The following RGS7 variants were observed in gnomAD, a reference collection of about 807,000 sequenced individuals.
RGS7 encodes the protein regulator of G-protein signaling 7.
RGS7 carries 27 observed loss-of-function variants against 81.1 expected under a neutral mutation model. The observed-to-expected ratio is 0.33, with a 90% CI of 0.25 to 0.46. RGS7 has a LOEUF of 0.46. Ranked by LOEUF, RGS7 falls within the 20% of genes least tolerant of loss-of-function variation. The pLI is 1.00. For synonymous variants in RGS7, 208 were observed against 207.7 expected, an observed-to-expected ratio of 1.00 and a Z score of -0.01; for missense variants, 396 against 607.4, an observed-to-expected ratio of 0.65 and a Z score of 3.66.
intron 6 of RGS7, among the ~76,000 whole-genome samples, chr1:240,898,081 T>C (rs897483516): frequency 6.6e-6 from 1 of 152,208 alleles, no homozygotes; most frequent in African/African-American, 2.4e-5. Flanking sequence ...GAGGTGTTTA[T>C]AGTATTCTCT....
Position 241,019,967 on chromosome 1 carries a change from A to C in RGS7, c.176-36838T>G, listed in dbSNP as rs78591958. Among the ~76,000 whole-genome samples the C allele has an allele frequency of 6.6e-5, 10 of 152,326 alleles. 1 individual carries two copies. The highest frequency in any genetic ancestry group is 6.2e-4 in the South Asian group (3 of 4,828). The stretch of plus-strand genomic sequence containing the variant: ...AACAAAGATTTCCAAGTGATGACTT[A>C]AAAAGAGTGATGACTTCAAAAGAGT... On this transcript the variant is annotated intron_variant, in intron 3 of 18. Coordinates refer to ENST00000440928, the MANE Select transcript of RGS7 (RefSeq NM_001364886.1).
intron 12 of RGS7, among the ~76,000 whole-genome samples, 160 bp from the exon 13 acceptor site, chr1:240,813,888 A>G (rs556909340): frequency 1.5e-4 from 23 of 152,346 alleles, no homozygotes; most frequent in African/African-American, 5.3e-4. Context: ...ACTTTCATGC[A>G]ACAACTTATT....
intron 3 of RGS7, among the ~76,000 whole-genome samples, chr1:241,000,122 C>A (rs1021262581): frequency 6.6e-6 from 1 of 152,066 alleles, no homozygotes; most frequent in African/African-American, 2.4e-5. Flanking sequence ...CTTCTGACAC[C>A]ACTCCAGGGT....
intron 2 of RGS7, among the ~76,000 whole-genome samples, chr1:241,292,212 T>C (rs1489672573): frequency 6.6e-6 from 1 of 152,240 alleles, no homozygotes; most frequent in East Asian, 1.9e-4. Flanking sequence ...ACTTATTACA[T>C]ACTTCTACTT....
intron 2 of RGS7, among the ~76,000 whole-genome samples, chr1:241,205,927 T>A (rs945172307): frequency 6.6e-6 from 1 of 152,136 alleles, no homozygotes; most frequent in Non-Finnish European, 1.5e-5. Flanking sequence ...GACAGCTGAC[T>A]TGTTAGAACT....
intron 4 of RGS7, among the ~76,000 whole-genome samples, chr1:240,940,055 G>A (rs1178736612): frequency 1.3e-5 from 2 of 152,022 alleles, no homozygotes; most frequent in Non-Finnish European, 2.9e-5. Context: ...ACTCCAGCCT[G>A]GGCGACAGAA....
At chr1:240,822,944 A>G (rs1692068421) in intron 10 of RGS7, 1 of 463,764 alleles carries the variant, frequency 2.2e-6, no homozygotes, top group South Asian at 2.1e-5. Flanking sequence ...AAAACAGTGA[A>G]CGAATAAATA....
chr1:241,197,792 A>G (rs1358270391), intron 2 of RGS7, among the ~76,000 whole-genome samples: 1 of 151,198 alleles, frequency 6.6e-6, no homozygotes, highest in Admixed American at 6.6e-5. Context: ...TAACTGATGG[A>G]CCAGGCAGAA....
intron 2 of RGS7, among the ~76,000 whole-genome samples, chr1:241,325,175 A>G (rs1289939599): frequency 6.6e-6 from 1 of 152,366 alleles, no homozygotes; most frequent in East Asian, 1.9e-4. Flanking sequence ...CCAATTATTT[A>G]AACAACAAAG....
chr1:240,793,919 G>T (rs1686553284), intron 18 of RGS7, among the ~76,000 whole-genome samples: 1 of 151,906 alleles, frequency 6.6e-6, no homozygotes, highest in Non-Finnish European at 1.5e-5. Context: ...GCCATAGTAG[G>T]AATTTTTAAG....
chr1:240,810,445 CTTTTTTTT>C (rs5782164), intron 14 of RGS7, among the ~76,000 whole-genome samples: 5 of 124,618 alleles, frequency 4.0e-5, no homozygotes, highest in African/African-American at 1.5e-4. Flanking sequence ...TTAATGCATT[CTTTTTTTT>C]TTTTTTTTTT....
In RGS7 at chr1:241,144,926, GGTGTGTGTGTGT is replaced by G. The variant is rs58610723; in HGVS notation, c.79-46176_79-46165del. On this transcript the variant is annotated intron_variant, in intron 2 of 18. Transcript: ENST00000440928. The surrounding 1 kb of genome is among the most constrained non-coding windows in gnomAD (Gnocchi z 4.7). ...TCAGTATGTGTTGGCAGGGCAGGATGGTGTGTGTGTGTGTGTGTGTGTGTGTGTGTGTGTGTG... is the reference window on the plus strand; with the variant it reads ...TCAGTATGTGTTGGCAGGGCAGGATGGTGTGTGTGTGTGTGTGTGTGTGTG... 7.7e-5 allele frequency among the ~76,000 whole-genome samples: 11 copies of G among 141,970 alleles called. No homozygotes were observed. The highest frequency in any genetic ancestry group is 2.4e-4 in the African/African-American group (9 of 37,418). The allele number at this position is 141,970 out of a possible 152,430, so 93.1% of individuals were successfully genotyped here. A position where few individuals can be genotyped will look rare whatever the true frequency, so the allele number is the denominator to read the frequency against.
At chr1:240,981,836 G>A (rs1684961733) in intron 4 of RGS7, among the ~76,000 whole-genome samples, 1 of 152,138 alleles carries the variant, frequency 6.6e-6, no homozygotes. Context: ...AGCTTAAAAT[G>A]AGAAAAAATT....
intron 2 of RGS7, among the ~76,000 whole-genome samples, chr1:241,216,272 A>T (rs2074548841): frequency 6.6e-6 from 1 of 152,172 alleles, no homozygotes; most frequent in Non-Finnish European, 1.5e-5. Context: ...ACCCTGTCTC[A>T]GAAAAAAATA....
chr1:240,986,383 T>G (rs938769214), intron 3 of RGS7, among the ~76,000 whole-genome samples: 17 of 152,160 alleles, frequency 1.1e-4, no homozygotes, highest in Non-Finnish European at 2.2e-4. Context: ...GAATCCCAAC[T>G]GAGGCCATAA....
In RGS7 at chr1:241,314,569, G is replaced by A. The variant is rs115381163; in HGVS notation, c.78+41130C>T. Among the ~76,000 whole-genome samples, 878 of 152,254 alleles carry A rather than the reference G, an allele frequency of 5.8e-3. 5 individuals carry two copies. The highest frequency in any genetic ancestry group is 0.019 in the African/African-American group (810 of 41,542). On this transcript the variant is annotated intron_variant, in intron 2 of 18. Transcript: ENST00000440928. ...TTTATTGTCATATTCATTTATCAAG[G>A]TGATCTGGAACCAAACCTGCAATAT...
chr1:240,998,054 G>T (rs544671432), intron 3 of RGS7, among the ~76,000 whole-genome samples: 74 of 152,234 alleles, frequency 4.9e-4, no homozygotes, highest in African/African-American at 1.8e-3. Flanking sequence ...TATGCCTCAG[G>T]AAAAATGTTT....
At chr1:241,007,025 T>G (rs1003051245) in intron 3 of RGS7, among the ~76,000 whole-genome samples, 2 of 152,168 alleles carry the variant, frequency 1.3e-5, no homozygotes, top group African/African-American at 2.4e-5. Context: ...CAAGCGATTC[T>G]CCTGTCTCAG....
At chr1:241,127,240 CA>C (rs2066725178) in intron 2 of RGS7, among the ~76,000 whole-genome samples, 1 of 151,974 alleles carries the variant, frequency 6.6e-6, no homozygotes, top group South Asian at 2.1e-4. Flanking sequence ...AATGTTTGGG[CA>C]ATTTGTTCAG....
Sources: gnomAD v4.1 joint callset for allele counts (sites outside exome capture counted in the v4.1 genomes callset) on GRCh38, gnomAD v4.1.1 for gene constraint, Gnocchi (gnomAD v3.1) non-coding constraint, MANE v1.5 for transcripts, NCBI Gene and HGNC (gene_info 2026-07-23, HGNC 2026-07-21) for gene names.